Variants in GRIK1 observed in about 807,000 individuals in gnomAD.
The protein encoded by GRIK1 is glutamate receptor ionotropic, kainate 1.
A neutral mutation model predicts 105.7 loss-of-function variants in GRIK1; 69 were observed. The ratio of observed to expected loss-of-function variants is 0.65; its 90% CI spans 0.54 to 0.80. GRIK1 has a LOEUF of 0.80. Among genes scored for constraint, GRIK1 ranks in the 30% least tolerant of loss-of-function variants. The pLI, the probability that GRIK1 is intolerant of heterozygous loss-of-function variation, is 0.00. For missense variants in GRIK1, 1,109 were observed against 1,167.3 expected (o/e 0.95, Z 0.73); for synonymous variants, 438 against 431.3 (o/e 1.02, Z -0.19).
chr21:29,549,985 G>A (rs2090105097), intron 16 of GRIK1, among the ~76,000 whole-genome samples: 2 of 151,866 alleles, frequency 1.3e-5, no homozygotes, highest in South Asian at 4.2e-4. Flanking sequence ...GTGCACGCCT[G>A]CAATCCCAGC....
chr21:29,586,515 G>A (rs2091133904), intron 12 of GRIK1, among the ~76,000 whole-genome samples: 1 of 152,204 alleles, frequency 6.6e-6, no homozygotes, highest in Non-Finnish European at 1.5e-5. Flanking sequence ...AGTTCACTGA[G>A]TTTTGTTGAA....
intron 14 of GRIK1, among the ~76,000 whole-genome samples, chr21:29,565,454 C>T (rs1322833682): frequency 2.6e-5 from 4 of 152,124 alleles, no homozygotes; most frequent in South Asian, 2.1e-4. Context: ...TTTTTTGAGA[C>T]GTTGTTTCAC....
At chr21:29,630,744 C>A (rs189875051) in intron 7 of GRIK1, 73 of 373,194 alleles carry the variant, frequency 2.0e-4, no homozygotes, top group Admixed American at 1.1e-3. Context: ...GTTGTTTTAA[C>A]ATCCCTAGTT....
In GRIK1 at chr21:29,790,931, G is replaced by A. The variant is rs528394404; in HGVS notation, c.119-96868C>T. Among the ~76,000 whole-genome samples, 19 of 152,320 alleles carry A rather than the reference G, an allele frequency of 1.2e-4. No homozygotes were observed. The South Asian group carries it at 3.7e-3, about 30-fold the overall frequency. The stretch of plus-strand genomic sequence containing the variant: ...AATCAGTTTAAAAGAGGCACTGATG[G>A]TGGTGGGAAAAAAGTAAACAGGGTA... On this transcript the variant is annotated intron_variant, in intron 1 of 17. Transcript: ENST00000327783.
chr21:29,795,629 T>C (rs1389511716), intron 1 of GRIK1, among the ~76,000 whole-genome samples: 1 of 152,242 alleles, frequency 6.6e-6, no homozygotes, highest in South Asian at 2.1e-4. Context: ...CAGATGCTAA[T>C]AATTTCAACA....
intron 11 of GRIK1, 38 bp downstream of exon 11, chr21:29,588,791 CTTTCTCTTAT>C: frequency 2.0e-6 from 2 of 1,002,640 alleles, no homozygotes. Flanking sequence ...TCCTCTCTTA[CTTTCTCTTAT>C]GCATATTTTC....
chr21:29,651,209 G>T lies in GRIK1; in HGVS notation c.863C>A (p.Pro288His). 6.2e-7 allele frequency: 1 copy of T among 1,613,316 alleles called. No homozygotes were observed. Among genetic ancestry groups the T allele is most frequent in the Non-Finnish European group, 8.5e-7 (1 of 1,179,260 alleles). Residue 288 changes from proline (P) to histidine (H), a missense_variant, in exon 6 of 18, where the codon CCT becomes CAT. Physicochemically the swap from Pro to His is moderately conservative, Grantham distance 77 (BLOSUM62 -2). Transcript: ENST00000327783. Reference sequence around the variant, plus strand: ...CTTCTCAATGATGGATGACACGTGAGGGTTGTCAATGTTAAGCAGCCGAAA... The same window carrying T: ...CTTCTCAATGATGGATGACACGTGATGGTTGTCAATGTTAAGCAGCCGAAA... Reference protein sequence around the residue: ...TGFRLLNIDNPHVSSIIEKWS... With the variant: ...TGFRLLNIDNHHVSSIIEKWS...
intron 7 of GRIK1, among the ~76,000 whole-genome samples, chr21:29,626,496 C>A (rs1022719527): frequency 6.6e-6 from 1 of 152,156 alleles, no homozygotes; most frequent in African/African-American, 2.4e-5. Flanking sequence ...GGGGAGGACA[C>A]AGCAAGAAGG....
intron 1 of GRIK1, among the ~76,000 whole-genome samples, chr21:29,738,766 G>C: frequency 6.6e-6 from 1 of 152,228 alleles, no homozygotes; most frequent in African/African-American, 2.4e-5. Context: ...AAAGGAACTT[G>C]ATTATCTAGT....
chr21:29,545,765 G>A (rs544501600), intron 16 of GRIK1, among the ~76,000 whole-genome samples: 1 of 152,264 alleles, frequency 6.6e-6, no homozygotes, highest in East Asian at 1.9e-4. Flanking sequence ...TATGCCTATG[G>A]TAGTGGGAAT....
chr21:29,867,648 G>A (rs902189009), intron 1 of GRIK1, among the ~76,000 whole-genome samples: 1 of 151,982 alleles, frequency 6.6e-6, no homozygotes, highest in Non-Finnish European at 1.5e-5. Flanking sequence ...TACAGAATTA[G>A]CCAGGCATGG....
Position 29,862,511 on chromosome 21 carries a change from T to A in GRIK1, c.118+76872A>T, listed in dbSNP as rs147160525. Among the ~76,000 whole-genome samples the A allele has an allele frequency of 9.4e-3, 1,426 of 152,284 alleles. 8 individuals carry two copies. The highest frequency in any genetic ancestry group is 0.011 in the Non-Finnish European group (747 of 68,024). On this transcript the variant is annotated intron_variant, in intron 1 of 17. Transcript: ENST00000327783. Reference sequence around the variant, plus strand: ...ATTAGCTCTCCATGACCCAGCCTAGTTTGAAGATCAAAATCCAGGGTATCT... The same window carrying A: ...ATTAGCTCTCCATGACCCAGCCTAGATTGAAGATCAAAATCCAGGGTATCT...
At position 29,577,062 on chromosome 21, in the gene GRIK1, T is replaced by C; in HGVS notation, c.2032A>G (p.Arg678Gly). The C allele has an allele frequency of 6.2e-7, 1 of 1,613,416 alleles. No homozygotes were observed. The highest frequency in any genetic ancestry group is 8.5e-7 in the Non-Finnish European group (1 of 1,179,370). ...GCCGAATCTATGGGGGATTCCATTC[T>C]CTCTACTGTCAAGAAGGCAGCCAGA... is the stretch of plus-strand genomic sequence containing the variant. The part of the protein sequence containing the change: ...ANLAAFLTVE[R>G]MESPIDSADD... The change falls in exon 14 of 18, where the codon AGA becomes GGA. Residue 678 changes from arginine (R) to glycine (G), a missense_variant. Around this residue, in one of 5 missense-constraint regions of GRIK1, gnomAD observed 264 missense variants for 306.9 expected, o/e 0.86. Transcript: ENST00000327783.
chr21:29,859,068 T>C (rs2068554094), intron 1 of GRIK1, among the ~76,000 whole-genome samples: 1 of 151,750 alleles, frequency 6.6e-6, no homozygotes. Flanking sequence ...TGTAGGGACA[T>C]GGATGAAGCT....
intron 1 of GRIK1, chr21:29,760,183 C>T (rs1031898115): frequency 6.6e-6 from 1 of 152,224 alleles, no homozygotes; most frequent in African/African-American, 2.4e-5. Context: ...CTATTCTAAG[C>T]ATATACAGTG....
At chr21:29,541,292 G>T (rs1243077161) in intron 16 of GRIK1, among the ~76,000 whole-genome samples, 2 of 152,128 alleles carry the variant, frequency 1.3e-5, no homozygotes, top group Non-Finnish European at 2.9e-5. Context: ...TTACAGTTTA[G>T]AATTGGTGCC....
intron 11 of GRIK1, among the ~76,000 whole-genome samples, chr21:29,588,126 C>A (rs1016125028): frequency 1.3e-4 from 20 of 151,778 alleles, no homozygotes; most frequent in Admixed American, 3.9e-4. Context: ...AGGCGCCCAC[C>A]ACCACGCCTG....
At chr21:29,551,282 C>T (rs749403266) in intron 16 of GRIK1, among the ~76,000 whole-genome samples, 1 of 152,138 alleles carries the variant, frequency 6.6e-6, no homozygotes, top group Admixed American at 6.5e-5. Context: ...GAAACATTTG[C>T]CAATTGAACA....
chr21:29,897,007 C>G (rs920040777), intron 1 of GRIK1, among the ~76,000 whole-genome samples: 2 of 152,108 alleles, frequency 1.3e-5, no homozygotes, highest in African/African-American at 4.8e-5. Flanking sequence ...CCCCCTTAAC[C>G]TAAAAAACTC....
Sources: allele counts gnomAD v4.1 joint callset (sites outside exome capture counted in the v4.1 genomes callset), GRCh38; gene constraint gnomAD v4.1.1; regional missense constraint gnomAD v4.1.1; transcripts MANE v1.5; gene names NCBI Gene and HGNC (gene_info 2026-07-23, HGNC 2026-07-21).